Variants in CACNA2D3 observed in about 807,000 individuals in gnomAD.
CACNA2D3 encodes voltage-dependent calcium channel subunit alpha-2/delta-3.
In CACNA2D3, 60 loss-of-function variants were observed where a neutral mutation model predicts 160.6. That is an observed-to-expected ratio of 0.37 (90% confidence interval 0.30 to 0.46). The LOEUF (loss-of-function observed/expected upper bound fraction) is 0.46, where lower values mean the gene tolerates loss of function less well. Ranked by LOEUF, CACNA2D3 falls within the 20% of genes least tolerant of loss-of-function variation. The pLI, the probability that CACNA2D3 is intolerant of heterozygous loss-of-function variation, is 1.00. For synonymous variants in CACNA2D3, 558 were observed against 492.9 expected, an observed-to-expected ratio of 1.13 and a Z score of -1.75; for missense variants, 1,205 against 1,365.0, an observed-to-expected ratio of 0.88 and a Z score of 1.85.
intron 3 of CACNA2D3, among the ~76,000 whole-genome samples, chr3:54,345,766 T>G (rs1336194169): frequency 6.6e-6 from 1 of 152,116 alleles, no homozygotes; most frequent in Non-Finnish European, 1.5e-5. Context: ...CTACCTTTGC[T>G]GTGGAAGAGT....
Position 54,500,314 on chromosome 3 carries a change from A to G in CACNA2D3, c.382-3178A>G, listed in dbSNP as rs77343961. ...TGTTTAAAGTGGGCTTCTTATGGAC[A>G]AAATATAGTTAGGTCTTGTATTTTA... On this transcript the variant is annotated intron_variant, in intron 4 of 37. Transcript: ENST00000474759. 2.3e-3 allele frequency among the ~76,000 whole-genome samples: 352 copies of G among 152,300 alleles called. 3 individuals are homozygous for G. The highest frequency in any genetic ancestry group is 0.019 in the East Asian group (99 of 5,188).
chr3:55,025,886 A>C (rs1054325397), intron 35 of CACNA2D3, among the ~76,000 whole-genome samples: 1 of 152,034 alleles, frequency 6.6e-6, no homozygotes, highest in African/African-American at 2.4e-5. Flanking sequence ...GCAGAAGCAG[A>C]ACAATAAAGC....
At chr3:54,171,545 A>G (rs1410829592) in intron 2 of CACNA2D3, among the ~76,000 whole-genome samples, 1 of 152,202 alleles carries the variant, frequency 6.6e-6, no homozygotes, top group East Asian at 1.9e-4. Context: ...ATCTAAAATG[A>G]TTATTAATTA....
chr3:54,205,021 A>G (rs1324474780), intron 2 of CACNA2D3, among the ~76,000 whole-genome samples: 1 of 152,188 alleles, frequency 6.6e-6, no homozygotes, highest in Admixed American at 6.5e-5. Context: ...GATGGTCTGG[A>G]GATAAAGTTA....
At chr3:55,052,456 G>GTATA (rs3061749) in intron 35 of CACNA2D3, among the ~76,000 whole-genome samples, 19 of 149,780 alleles carry the variant, frequency 1.3e-4, no homozygotes, top group African/African-American at 4.2e-4. Context: ...ACCTGTGTGT[G>GTATA]TATATATATA....
At chr3:54,883,810 TCTCTCTCTCTCTC>T (rs906109805) in intron 21 of CACNA2D3, among the ~76,000 whole-genome samples, 7 of 126,794 alleles carry the variant, frequency 5.5e-5, no homozygotes, top group African/African-American at 2.3e-4. Context: ...TCTCTCTCTC[TCTCTCTCTCTCTC>T]CTCTCTCTCC....
At chr3:54,376,128 C>T (rs1699008248) in intron 3 of CACNA2D3, among the ~76,000 whole-genome samples, 1 of 152,160 alleles carries the variant, frequency 6.6e-6, no homozygotes, top group African/African-American at 2.4e-5. Flanking sequence ...CCACAGTACT[C>T]CTTAGCCTAG....
In CACNA2D3 at chr3:54,403,015, A is replaced by T. The variant is rs561658574; in HGVS notation, c.381+16241A>T. On this transcript the variant is annotated intron_variant, in intron 4 of 37. Transcript: ENST00000474759. Reference sequence around the variant, plus strand: ...CAATAATATGTGGAAATTAAACAACATGCTCCTGAACAACCCAGTGGGTCA... The same window carrying T: ...CAATAATATGTGGAAATTAAACAACTTGCTCCTGAACAACCCAGTGGGTCA... 2.0e-5 allele frequency among the ~76,000 whole-genome samples: 3 copies of T among 152,286 alleles called. No individual in the cohort carries two copies. The East Asian group carries it at 5.8e-4, about 29-fold the overall frequency.
At chr3:54,427,086 T>C (rs916221265) in intron 4 of CACNA2D3, among the ~76,000 whole-genome samples, 4 of 152,120 alleles carry the variant, frequency 2.6e-5, no homozygotes, top group African/African-American at 7.2e-5. Context: ...TTCTGTGTTT[T>C]GGACTGCATT....
At chr3:54,758,796 TG>T (rs1702026510) in intron 12 of CACNA2D3, among the ~76,000 whole-genome samples, 1 of 151,998 alleles carries the variant, frequency 6.6e-6, no homozygotes, top group South Asian at 2.1e-4. Flanking sequence ...TTGCTTAAGG[TG>T]GGAAGAGTCT....
At chr3:54,272,953 G>C (rs116101562) in intron 2 of CACNA2D3, 1,541 of 152,404 alleles carry the variant, frequency 0.01, 12 homozygotes, top group Non-Finnish European at 0.017. Flanking sequence ...TGAGCCCTGC[G>C]CTTGAGAACA....
At chr3:54,805,398 C>CT (rs1288385155) in intron 13 of CACNA2D3, among the ~76,000 whole-genome samples, 1 of 152,162 alleles carries the variant, frequency 6.6e-6, no homozygotes, top group African/African-American at 2.4e-5. Flanking sequence ...GAAATACAAA[C>CT]TACCATCAGA....
At chr3:54,596,959 C>G (rs1702965957) in intron 9 of CACNA2D3, among the ~76,000 whole-genome samples, 1 of 152,136 alleles carries the variant, frequency 6.6e-6, no homozygotes, top group Admixed American at 6.5e-5. Context: ...TAGTTTCTCA[C>G]TGCCCTCCCC....
At chr3:54,253,495 A>T (rs1702235257) in intron 2 of CACNA2D3, among the ~76,000 whole-genome samples, 1 of 152,168 alleles carries the variant, frequency 6.6e-6, no homozygotes, top group Non-Finnish European at 1.5e-5. Flanking sequence ...ACAAGAACTC[A>T]CTATTGCGAG....
intron 6 of CACNA2D3, among the ~76,000 whole-genome samples, chr3:54,566,888 T>C (rs1702417816): frequency 6.6e-6 from 1 of 152,208 alleles, no homozygotes. Context: ...TTTGGACTCA[T>C]ACATGCTGTT....
intron 35 of CACNA2D3, among the ~76,000 whole-genome samples, chr3:55,059,499 A>G (rs950471815): frequency 5.3e-5 from 8 of 152,182 alleles, no homozygotes; most frequent in Non-Finnish European, 1.2e-4. Context: ...GGGATGGGGA[A>G]CATGCAGACG....
At chr3:54,747,130 T>A (rs895921835) in intron 11 of CACNA2D3, among the ~76,000 whole-genome samples, 1 of 152,128 alleles carries the variant, frequency 6.6e-6, no homozygotes, top group Non-Finnish European at 1.5e-5. Context: ...TTAGACCTCA[T>A]CTGCTTGGTG....
At chr3:54,905,625 T>G (rs1700434147) in intron 27 of CACNA2D3, among the ~76,000 whole-genome samples, 1 of 152,202 alleles carries the variant, frequency 6.6e-6, no homozygotes, top group Non-Finnish European at 1.5e-5. Context: ...GGGGGTGATT[T>G]TGCCACCAGG....
intron 17 of CACNA2D3, among the ~76,000 whole-genome samples, chr3:54,855,536 C>G (rs1254352275): frequency 6.6e-6 from 1 of 151,506 alleles, no homozygotes; most frequent in Non-Finnish European, 1.5e-5. Flanking sequence ...ATAGTCATTA[C>G]TCTGCCAGGA....
Sources: allele counts gnomAD v4.1 joint callset (sites outside exome capture counted in the v4.1 genomes callset), GRCh38; gene constraint gnomAD v4.1.1; transcripts MANE v1.5; gene names NCBI Gene and HGNC (gene_info 2026-07-23, HGNC 2026-07-21).